SEC61A2: variants seen among roughly 807,000 people sequenced by gnomAD.
SEC61A2 encodes SEC61 translocon subunit alpha 2.
Under a neutral mutation model 59.9 loss-of-function variants are expected in SEC61A2, and 28 were observed. The ratio of observed to expected loss-of-function variants is 0.47; its 90% CI spans 0.35 to 0.64. SEC61A2 has a LOEUF of 0.64. Among genes scored for constraint, SEC61A2 ranks in the 30% least tolerant of loss-of-function variants. The probability of loss-of-function intolerance (pLI) is 0.01; values close to 1 mark genes in which losing one functional copy is unlikely to be tolerated. For synonymous variants in SEC61A2, 202 were observed against 214.4 expected (o/e 0.94, Z 0.50); for missense variants, 340 against 585.9 (o/e 0.58, Z 4.33).
Position 12,145,880 on chromosome 10 carries a change from T to G in SEC61A2, c.220+2685T>G, listed in dbSNP as rs1172136372. Among the ~76,000 whole-genome samples, 2 of 152,172 alleles carry G rather than the reference T, an allele frequency of 1.3e-5. No homozygotes were observed. The highest frequency in any genetic ancestry group is 2.9e-5 in the Non-Finnish European group (2 of 68,038). On this transcript the variant is annotated intron_variant, in intron 4 of 11. Transcript: ENST00000298428. The surrounding 1 kb of genome is among the most constrained non-coding windows in gnomAD (Gnocchi z 4.4). ...TACTTGCTGGAAGGATACTGGTTAT[T>G]TTTTGGAATCTACAGTGGAGATGAA... is the stretch of plus-strand genomic sequence containing the variant.
chr10:12,164,646 G>T lies in SEC61A2; in HGVS notation c.*192G>T. The T allele has an allele frequency of 7.3e-7, 1 of 1,378,186 alleles. No homozygotes were observed. Among genetic ancestry groups the T allele is most frequent in the Non-Finnish European group, 9.3e-7 (1 of 1,073,044 alleles). 85.4% of individuals were successfully genotyped at this position (1,378,186 alleles called of 1,614,324 possible). A position where few individuals can be genotyped will look rare whatever the true frequency, so the allele number is the denominator to read the frequency against. On this transcript the variant is annotated 3_prime_UTR_variant, in exon 12 of 12. Transcript: ENST00000298428. This position sits in a 1 kb window ranked among gnomAD's most constrained non-coding sequence, Gnocchi z 7.3. Reference sequence around the variant, plus strand: ...TAGTACCCGCTGCCTTAAAACTCAAGTTTACATTATTCATTAAAAAAAGTA... The same window carrying T: ...TAGTACCCGCTGCCTTAAAACTCAATTTTACATTATTCATTAAAAAAAGTA...
chr10:12,140,036 G>A (rs1833980500), intron 3 of SEC61A2, among the ~76,000 whole-genome samples: 1 of 151,948 alleles, frequency 6.6e-6, no homozygotes, highest in South Asian at 2.1e-4. Flanking sequence ...GCCGAGAGCT[G>A]CTCCAGGGGT....
rs935883917 is a variant in SEC61A2, at chr10:12,162,743, G to A, written c.1244+454G>A. Among the ~76,000 whole-genome samples the A allele has an allele frequency of 1.3e-5, 2 of 152,126 alleles. No individual in the cohort carries two copies. Among genetic ancestry groups the A allele is most frequent in the Non-Finnish European group, 2.9e-5 (2 of 68,032 alleles). On this transcript the variant is annotated intron_variant, in intron 11 of 11. Transcript: ENST00000298428. The surrounding 1 kb of genome is among the most constrained non-coding windows in gnomAD (Gnocchi z 6.1). ...TATATTCAGACTTGTACAGTCATAA[G>A]TTTAAACACATTTTCACCACCCAGA...
chr10:12,148,630 C>G (rs934251413), intron 4 of SEC61A2, among the ~76,000 whole-genome samples: 1 of 151,716 alleles, frequency 6.6e-6, no homozygotes, highest in Non-Finnish European at 1.5e-5. Flanking sequence ...ACCTCCAACT[C>G]CTCGGTTCAA....
Position 12,157,821 on chromosome 10 carries a change from C to A in SEC61A2, c.778-87C>A, listed in dbSNP as rs557205170. The A allele has an allele frequency of 4.5e-5, 57 of 1,268,790 alleles. No individual in the cohort carries two copies. Among genetic ancestry groups the A allele is most frequent in the Non-Finnish European group, 5.9e-5 (52 of 879,608 alleles). The allele number at this position is 1,268,790 out of a possible 1,614,324, so 78.6% of individuals were successfully genotyped here. A position where few individuals can be genotyped will look rare whatever the true frequency, so the allele number is the denominator to read the frequency against. ...CGGCCGGCATTGTCTTTTCATCCCC[C>A]GCACTGTTCTTTGTTTTCCCTCTCT... On this transcript the variant is annotated intron_variant, in intron 8 of 11. Transcript: ENST00000298428.
chr10:12,169,378 A>G, downstream of SEC61A2: 1 of 1,255,146 alleles, frequency 8.0e-7, no homozygotes, highest in Admixed American at 2.2e-5. The surrounding 1 kb of genome is among the most constrained non-coding windows in gnomAD (Gnocchi z 4.8). Context: ...CCTGCTTTCC[A>G]CGCACCTCCT....
chr10:12,136,217 G>T (rs1400316034), intron 3 of SEC61A2, 47 bp downstream of exon 3: 1 of 1,206,172 alleles, frequency 8.3e-7, no homozygotes, highest in Admixed American at 1.8e-5. Context: ...TTGTTCTAAG[G>T]TTTTGATTGG....
At position 12,152,863 on chromosome 10, in the gene SEC61A2, G is replaced by C. The variant is rs1179736822; in HGVS notation, c.462+2902G>C. On this transcript the variant is annotated intron_variant, in intron 6 of 11. Transcript: ENST00000298428. The surrounding 1 kb of genome is among the most constrained non-coding windows in gnomAD (Gnocchi z 5.5). The stretch of plus-strand genomic sequence containing the variant: ...ACCACTGCACTCCAGCCTGGCGACA[G>C]AGCGGGACTCCGTCTCAAAAACTAA... Among the ~76,000 whole-genome samples, 5 of 151,950 alleles carry C rather than the reference G, an allele frequency of 3.3e-5. No individual in the cohort carries two copies. Among genetic ancestry groups the C allele is most frequent in the Non-Finnish European group, 5.9e-5 (4 of 67,980 alleles).
intron 3 of SEC61A2, among the ~76,000 whole-genome samples, chr10:12,141,207 C>T (rs1461970988): frequency 6.6e-6 from 1 of 152,146 alleles, no homozygotes; most frequent in Admixed American, 6.6e-5. Context: ...GCCCTCACCT[C>T]TCACTTTAAA....
Position 12,155,729 on chromosome 10 carries a change from T to G in SEC61A2, c.463-49T>G. The stretch of plus-strand genomic sequence containing the variant: ...TAGCCAATGGTGTTCCTCTCCCCCT[T>G]TCTTGAGTTTGTTCTTGCTTCCGCT... On this transcript the variant is annotated intron_variant, in intron 6 of 11. Coordinates refer to ENST00000298428, the MANE Select transcript of SEC61A2 (RefSeq NM_018144.4). This position sits in a 1 kb window ranked among gnomAD's most constrained non-coding sequence, Gnocchi z 4.3. 4 of 1,608,472 alleles carry G rather than the reference T, an allele frequency of 2.5e-6. No individual in the cohort carries two copies. The highest frequency in any genetic ancestry group is 3.4e-6 in the Non-Finnish European group (4 of 1,175,108).
chr10:12,136,340 A>C (rs11257558), intron 3 of SEC61A2, among the ~76,000 whole-genome samples, 170 bp downstream of exon 3: 1 of 151,978 alleles, frequency 6.6e-6, no homozygotes, highest in African/African-American at 2.4e-5. Context: ...ATGGAGTCTC[A>C]CTCTGTTGCC....
chr10:12,145,702 C>T lies in SEC61A2; in HGVS notation c.220+2507C>T, dbSNP rs368480224. Among the ~76,000 whole-genome samples, 2 of 152,154 alleles carry T rather than the reference C, an allele frequency of 1.3e-5. No individual in the cohort carries two copies. The highest frequency in any genetic ancestry group is 2.4e-5 in the African/African-American group (1 of 41,412). Reference sequence around the variant, plus strand: ...CGTAGATGTGATGATTGGATCTTCACGCTCGTGTGTGAGATGTGCCTCTCT... The same window carrying T: ...CGTAGATGTGATGATTGGATCTTCATGCTCGTGTGTGAGATGTGCCTCTCT... On this transcript the variant is annotated intron_variant, in intron 4 of 11. Transcript: ENST00000298428. This position sits in a 1 kb window ranked among gnomAD's most constrained non-coding sequence, Gnocchi z 4.4.
At chr10:12,166,817 G>A, downstream of SEC61A2, 1 of 465,662 alleles carries the variant, frequency 2.1e-6, no homozygotes, top group Non-Finnish European at 4.4e-6. Context: ...TGGTAGAACT[G>A]CTAGATGACA....
rs1474002917 is a variant in SEC61A2, at chr10:12,129,684, C to A, written c.-104C>A. 6 of 1,152,202 alleles carry A rather than the reference C, an allele frequency of 5.2e-6. No homozygotes were observed. The highest frequency in any genetic ancestry group is 6.4e-5 in the East Asian group (2 of 31,238). The allele number at this position is 1,152,202 out of a possible 1,614,324, so 71.4% of individuals were successfully genotyped here. ...GGGTTGGGCGGAGCCTGCGCGGGGC[C>A]GGTAGGATCGCGTCGGGAGCCGGTA... On this transcript the variant is annotated 5_prime_UTR_variant, in exon 1 of 12. Coordinates refer to ENST00000298428, the MANE Select transcript of SEC61A2 (RefSeq NM_018144.4). This position sits in a 1 kb window ranked among gnomAD's most constrained non-coding sequence, Gnocchi z 5.6.
Position 12,164,478 on chromosome 10 carries a change from C to T in SEC61A2, c.*24C>T, listed in dbSNP as rs748907532. 17 of 1,603,074 alleles carry T rather than the reference C, an allele frequency of 1.1e-5. No homozygotes were observed. The highest frequency in any genetic ancestry group is 1.4e-5 in the Non-Finnish European group (17 of 1,173,852). Reference sequence around the variant, plus strand: ...AAATGTTCAAATATTTCATTTTGTGCGTGTGAAAGGGAAAACACTTTGACG... The same window carrying T: ...AAATGTTCAAATATTTCATTTTGTGTGTGTGAAAGGGAAAACACTTTGACG... On this transcript the variant is annotated 3_prime_UTR_variant, in exon 12 of 12. Transcript: ENST00000298428. The surrounding 1 kb of genome is among the most constrained non-coding windows in gnomAD (Gnocchi z 7.3).
chr10:12,131,787 G>T (rs113073610), intron 1 of SEC61A2, among the ~76,000 whole-genome samples: 136,849 of 136,850 alleles, frequency 1, 68,424 homozygotes, highest in Non-Finnish European at 1. Context: ...CCCTCCTGGG[G>T]TCACGCCATT....
Position 12,145,214 on chromosome 10 carries a change from C to T in SEC61A2, c.220+2019C>T, listed in dbSNP as rs535656993. ...AGGAAGATGGGAAACTTCTGCAGGC[C>T]ACTAGGTTCCTTTCTTGTCATATAT... On this transcript the variant is annotated intron_variant, in intron 4 of 11. Transcript: ENST00000298428. This position sits in a 1 kb window ranked among gnomAD's most constrained non-coding sequence, Gnocchi z 4.4. Among the ~76,000 whole-genome samples the T allele has an allele frequency of 1.9e-4, 29 of 152,162 alleles. No homozygotes were observed. The highest frequency in any genetic ancestry group is 6.7e-4 in the African/African-American group (28 of 41,516).
chr10:12,167,689 G>A, downstream of SEC61A2: 1 of 1,613,396 alleles, frequency 6.2e-7, no homozygotes, highest in Non-Finnish European at 8.5e-7. Context: ...AATGGCCAGT[G>A]TCATATTTGG....
intron 3 of SEC61A2, among the ~76,000 whole-genome samples, chr10:12,137,988 A>G (rs923717474): frequency 6.6e-6 from 1 of 152,226 alleles, no homozygotes; most frequent in Admixed American, 6.5e-5. Flanking sequence ...CCTGGGCAAC[A>G]GAGCGAGATG....
Sources: gnomAD v4.1 joint callset for allele counts (sites outside exome capture counted in the v4.1 genomes callset) on GRCh38, gnomAD v4.1.1 for gene constraint, Gnocchi (gnomAD v3.1) non-coding constraint, MANE v1.5 for transcripts, NCBI Gene and HGNC (gene_info 2026-07-23, HGNC 2026-07-21) for gene names.